CHTOP: variants seen among roughly 807,000 people sequenced by gnomAD.
CHTOP encodes the protein chromatin target of PRMT1 protein.
Under a neutral mutation model 33.6 loss-of-function variants are expected in CHTOP, and 18 were observed. That is an observed-to-expected ratio of 0.54 (90% CI 0.37 to 0.80). The LOEUF (loss-of-function observed/expected upper bound fraction) is 0.80. Among genes scored for constraint, CHTOP ranks in the 30% least tolerant of loss-of-function variants. The pLI, the probability that CHTOP is intolerant of heterozygous loss-of-function variation, is 0.00. For synonymous variants in CHTOP, 117 were observed against 127.7 expected, an observed-to-expected ratio of 0.92 and a Z score of 0.56; for missense variants, 263 against 336.8, an observed-to-expected ratio of 0.78 and a Z score of 1.71.
At position 153,642,880 on chromosome 1, in the gene CHTOP, A is replaced by G. The variant is rs1241040474; in HGVS notation, c.404-347A>G. The stretch of plus-strand genomic sequence containing the variant: ...GGGGCACTATTACTCTGTTCCCTGT[A>G]TAGTTCTTGTTCCCTAGAAGAATCT... On this transcript the variant is annotated intron_variant, in intron 4 of 5. Coordinates refer to ENST00000368694, the MANE Select transcript of CHTOP (RefSeq NM_015607.4). 3 of 338,104 alleles carry G rather than the reference A, an allele frequency of 8.9e-6. No individual in the cohort carries two copies. In the Admixed American group the frequency reaches 1.4e-4, roughly 15 times the overall value. 20.9% of individuals were successfully genotyped at this position (338,104 alleles called of 1,614,324 possible).
chr1:153,638,707 T>C (rs1668501477), intron 3 of CHTOP, among the ~76,000 whole-genome samples: 1 of 152,244 alleles, frequency 6.6e-6, no homozygotes, highest in Non-Finnish European at 1.5e-5. Context: ...TTTTGTTTTC[T>C]GATCCTTAAC....
chr1:153,636,525 T>C (rs1668409620), intron 1 of CHTOP, 47 bp from the exon 2 acceptor site: 1 of 1,498,592 alleles, frequency 6.7e-7, no homozygotes. Context: ...CTTATAGAAA[T>C]GATGTCACTA....
chr1:153,641,867 A>T (rs527763238), intron 3 of CHTOP, among the ~76,000 whole-genome samples: 13 of 152,356 alleles, frequency 8.5e-5, no homozygotes, highest in Admixed American at 7.2e-4. Context: ...GAATCAAGTC[A>T]TATAATTGTC....
intron 3 of CHTOP, 78 bp from the exon 4 acceptor site, chr1:153,642,168 T>G: frequency 7.9e-7 from 1 of 1,269,874 alleles, no homozygotes; most frequent in Non-Finnish European, 1.1e-6. Flanking sequence ...TTGCTTCTTT[T>G]TCTCTGCACT....
chr1:153,640,354 T>C (rs1274028544), intron 3 of CHTOP, among the ~76,000 whole-genome samples: 1 of 150,154 alleles, frequency 6.7e-6, no homozygotes, highest in Non-Finnish European at 1.5e-5. Flanking sequence ...ATACCTGTAA[T>C]CCCAGCTACT....
intron 3 of CHTOP, among the ~76,000 whole-genome samples, chr1:153,641,275 A>G (rs1668612929): frequency 6.6e-6 from 1 of 152,208 alleles, no homozygotes; most frequent in South Asian, 2.1e-4. Flanking sequence ...TTTCTTTCAG[A>G]TTGACTGATG....
intron 5 of CHTOP, among the ~76,000 whole-genome samples, chr1:153,644,656 C>A (rs3828031): frequency 0.57 from 86,518 of 152,054 alleles, 24,988 homozygotes; most frequent in East Asian, 0.7. Context: ...CTTCACACCC[C>A]TGATGCTCTG....
rs138442390 is a variant in CHTOP at position 153,639,934 on chromosome 1, C to T, written c.219+1486C>T. Among the ~76,000 whole-genome samples the T allele has an allele frequency of 6.4e-3, 976 of 152,092 alleles. 20 individuals are homozygous for T. The highest frequency in any genetic ancestry group is 0.043 in the Admixed American group (651 of 15,292). The stretch of plus-strand genomic sequence containing the variant: ...AGCTACAGGCGCCCGCCACCACACC[C>T]GGCTAATTTTTGTATTTTTAGTAGA... On this transcript the variant is annotated intron_variant, in intron 3 of 5. Transcript: ENST00000368694.
rs147506777 is a variant in CHTOP at position 153,635,389 on chromosome 1, C to T, written c.-18+1046C>T. Among the ~76,000 whole-genome samples, 235 of 146,820 alleles carry T rather than the reference C, an allele frequency of 1.6e-3. 1 individual carries two copies. Among genetic ancestry groups the T allele is most frequent in the African/African-American group, 5.6e-3 (222 of 39,762 alleles). ...CTGGTCTCGAGCTCCAGGGCTCAAG[C>T]ATTCCTCCCGCCTTGGCCTCCCAAA... On this transcript the variant is annotated intron_variant, in intron 1 of 5. Coordinates refer to ENST00000368694, the MANE Select transcript of CHTOP (RefSeq NM_015607.4).
chr1:153,637,531 C>G (rs2101684097), intron 2 of CHTOP: 1 of 152,192 alleles, frequency 6.6e-6, no homozygotes, highest in South Asian at 2.1e-4. Context: ...GCCTATAATC[C>G]CAGCTACTCA....
At chr1:153,643,633 A>T (rs1421715812) in intron 5 of CHTOP, 1 of 292,374 alleles carries the variant, frequency 3.4e-6, no homozygotes, top group Non-Finnish European at 6.3e-6. Context: ...TATAGTTGAA[A>T]ATACCCCCCA....
Position 153,645,272 on chromosome 1 carries a change from C to G in CHTOP, c.*3C>G. On this transcript the variant is annotated 3_prime_UTR_variant, in exon 6 of 6. Coordinates refer to ENST00000368694, the MANE Select transcript of CHTOP (RefSeq NM_015607.4). Reference sequence around the variant, plus strand: ...CAGATCCCGAAACCAATGATTGAAGCCTGCCCATCCTCCCATGAGAGACTC... The same window carrying G: ...CAGATCCCGAAACCAATGATTGAAGGCTGCCCATCCTCCCATGAGAGACTC... The G allele has an allele frequency of 6.2e-7, 1 of 1,613,950 alleles. No individual in the cohort carries two copies. Among genetic ancestry groups the G allele is most frequent in the East Asian group, 2.2e-5 (1 of 44,886 alleles).
Position 153,638,442 on chromosome 1 carries a change from T to G in CHTOP, c.213T>G (p.Leu71=). ...NRPSVQAALK[L]KQSLKQRLGK... is the part of the protein sequence containing the mutation. ...CCTCTGTCCAGGCAGCATTAAAACTTAAGCAGGTGAGAGAATGGGTCTTAA... is the reference window on the plus strand; with the variant it reads ...CCTCTGTCCAGGCAGCATTAAAACTGAAGCAGGTGAGAGAATGGGTCTTAA... Residue 71 remains leucine, a synonymous_variant, in exon 3 of 6, where the codon CTT becomes CTG. Coordinates refer to ENST00000368694, the MANE Select transcript of CHTOP (RefSeq NM_015607.4). The G allele has an allele frequency of 6.2e-7, 1 of 1,614,166 alleles. No homozygotes were observed. The highest frequency in any genetic ancestry group is 8.5e-7 in the Non-Finnish European group (1 of 1,180,024).
chr1:153,639,331 C>A, intron 3 of CHTOP: 1 of 546,540 alleles, frequency 1.8e-6, no homozygotes, highest in Non-Finnish European at 2.3e-6. Context: ...TAATCCTATT[C>A]AGACCTGAAA....
chr1:153,642,411 G>T lies in CHTOP; in HGVS notation c.385G>T (p.Gly129Cys), dbSNP rs765092638. ...GGRATRTLLRGGMSLRGQNLL... is the reference protein window; with the variant it reads ...GGRATRTLLRCGMSLRGQNLL... ...ACGTGCCACCAGAACCCTACTTAGGGGCGGGATGTCACTCCGAGGTCAGTG... is the reference window on the plus strand; with the variant it reads ...ACGTGCCACCAGAACCCTACTTAGGTGCGGGATGTCACTCCGAGGTCAGTG... Residue 129 changes from glycine to cysteine, a missense_variant, in exon 4 of 6, where the codon GGC becomes TGC. By Grantham distance (159) the Gly-to-Cys change is radical (BLOSUM62 -3). Transcript: ENST00000368694. 6.2e-7 allele frequency: 1 copy of T among 1,613,426 alleles called. No homozygotes were observed. The highest frequency in any genetic ancestry group is 2.2e-5 in the East Asian group (1 of 44,858).
At chr1:153,643,494 C>G in intron 5 of CHTOP, 130 bp downstream of exon 5, 1 of 1,004,206 alleles carries the variant, frequency 1.0e-6, no homozygotes, top group Non-Finnish European at 1.4e-6. Flanking sequence ...TTATTTGAAA[C>G]TGGCTTATTT....
rs1668764822 is a variant in CHTOP at position 153,645,133 on chromosome 1, G to A, written c.611G>A (p.Gly204Asp). ...GRGRGRGRGRGALARPVLTKE... is the reference protein window; with the variant it reads ...GRGRGRGRGRDALARPVLTKE... The stretch of plus-strand genomic sequence containing the variant: ...GGCCGAGGCCGTGGACGAGGGAGAG[G>A]TGCCCTTGCTCGCCCTGTATTGACC... The change falls in exon 6 of 6, where the codon GGT (glycine) becomes GAT (aspartate). Residue 204 changes from glycine to aspartate, a missense_variant. Gly to Asp is a moderately conservative substitution (Grantham distance 94, BLOSUM62 -1). Coordinates refer to ENST00000368694, the MANE Select transcript of CHTOP (RefSeq NM_015607.4). 6.2e-7 allele frequency: 1 copy of A among 1,614,126 alleles called. No individual in the cohort carries two copies. The highest frequency in any genetic ancestry group is 1.1e-5 in the South Asian group (1 of 91,088).
intron 3 of CHTOP, among the ~76,000 whole-genome samples, chr1:153,639,005 C>T (rs1021082698): frequency 2.6e-5 from 4 of 151,884 alleles, no homozygotes; most frequent in African/African-American, 7.3e-5. Context: ...CTCAGCCTCC[C>T]GAACAGCTGG....
At chr1:153,637,381 G>A (rs1047252375) in intron 2 of CHTOP, 1 of 152,208 alleles carries the variant, frequency 6.6e-6, no homozygotes, top group Non-Finnish European at 1.5e-5. Flanking sequence ...TAGGCGCGGT[G>A]GCTCATGCCT....
Sources: allele counts gnomAD v4.1 joint callset (sites outside exome capture counted in the v4.1 genomes callset), GRCh38; gene constraint gnomAD v4.1.1; transcripts MANE v1.5; gene names NCBI Gene and HGNC (gene_info 2026-07-23, HGNC 2026-07-21).